Variants in SLC39A10 observed in about 807,000 individuals in gnomAD.
SLC39A10 encodes the protein solute carrier family 39 member 10, also known as zinc transporter ZIP10.
A neutral mutation model predicts 65.1 loss-of-function variants in SLC39A10; 13 were observed. The ratio of observed to expected loss-of-function variants is 0.20; its 90% confidence interval spans 0.13 to 0.32. The LOEUF (loss-of-function observed/expected upper bound fraction) is 0.32, where lower values mean the gene tolerates loss of function less well. Among genes scored for constraint, SLC39A10 ranks in the 10% least tolerant of loss-of-function variants. SLC39A10 has a pLI of 1.00. For synonymous variants in SLC39A10, 321 were observed against 342.2 expected (o/e 0.94, Z 0.68); for missense variants, 831 against 1,018.4 (o/e 0.82, Z 2.50).
At chr2:195,631,489 C>T (rs1259849058) in intron 2 of SLC39A10, among the ~76,000 whole-genome samples, 2 of 151,994 alleles carry the variant, frequency 1.3e-5, no homozygotes, top group Non-Finnish European at 2.9e-5. Context: ...ATATATTAAT[C>T]CTTGCTGGGT....
intron 2 of SLC39A10, among the ~76,000 whole-genome samples, chr2:195,623,874 T>C (rs554997384): frequency 9.8e-5 from 14 of 142,256 alleles, no homozygotes; most frequent in South Asian, 6.8e-4. Context: ...TTAAAAAAAA[T>C]AACAATACAA....
At chr2:195,719,779 T>G (rs1021911171) in intron 8 of SLC39A10, among the ~76,000 whole-genome samples, 4 of 150,726 alleles carry the variant, frequency 2.7e-5, no homozygotes, top group African/African-American at 7.3e-5. Flanking sequence ...CCACTACGCC[T>G]GGCTAATTTT....
chr2:195,719,791 G>T (rs842737), intron 8 of SLC39A10, among the ~76,000 whole-genome samples: 40,299 of 131,290 alleles, frequency 0.31, 5,646 homozygotes, highest in Middle Eastern at 0.47. Flanking sequence ...GCTAATTTTT[G>T]TTTTTTTTTT....
chr2:195,709,312 A>G (rs1243023981), intron 5 of SLC39A10, among the ~76,000 whole-genome samples: 1 of 152,010 alleles, frequency 6.6e-6, no homozygotes, highest in Non-Finnish European at 1.5e-5. Flanking sequence ...ACTCACAGCA[A>G]CCTCCACCTC....
At chr2:195,730,994 CTCTTTT>C (rs1411256814) in intron 9 of SLC39A10, among the ~76,000 whole-genome samples, 1 of 152,192 alleles carries the variant, frequency 6.6e-6, no homozygotes, top group Non-Finnish European at 1.5e-5. Context: ...CACCATCTTT[CTCTTTT>C]TAACTACTCT....
intron 2 of SLC39A10, among the ~76,000 whole-genome samples, chr2:195,622,972 CAAAAAAAAAAAAA>C (rs11440347): frequency 2.1e-5 from 2 of 96,874 alleles, no homozygotes; most frequent in Non-Finnish European, 4.0e-5. Context: ...ACTCCTGTCT[CAAAAAAAAAAAAA>C]AAAAAAAAAG....
At chr2:195,649,825 T>A (rs1265492208) in intron 2 of SLC39A10, among the ~76,000 whole-genome samples, 2 of 152,230 alleles carry the variant, frequency 1.3e-5, no homozygotes, top group Non-Finnish European at 1.5e-5. Flanking sequence ...CCTGTTTTTC[T>A]TCATCTTACT....
intron 2 of SLC39A10, among the ~76,000 whole-genome samples, chr2:195,614,871 T>C (rs1212983102): frequency 6.6e-6 from 1 of 152,042 alleles, no homozygotes; most frequent in Non-Finnish European, 1.5e-5. Context: ...CTAGGCAACA[T>C]AGCAAGACCC....
At chr2:195,723,580 C>G (rs1442131450) in intron 8 of SLC39A10, among the ~76,000 whole-genome samples, 1 of 152,114 alleles carries the variant, frequency 6.6e-6, no homozygotes, top group Admixed American at 6.6e-5. Context: ...TTCTGAGACT[C>G]CCACAGAGAG....
At chr2:195,723,426 T>G (rs963872065) in intron 8 of SLC39A10, among the ~76,000 whole-genome samples, 1 of 152,172 alleles carries the variant, frequency 6.6e-6, no homozygotes, top group Non-Finnish European at 1.5e-5. Context: ...TAATGTAATG[T>G]TGGGGACCAT....
chr2:195,694,555 C>T lies in SLC39A10; in HGVS notation c.1216+10649C>T, dbSNP rs144244656. Among the ~76,000 whole-genome samples, 74 of 152,290 alleles carry T rather than the reference C, an allele frequency of 4.9e-4. 2 individuals are homozygous for T. Among genetic ancestry groups the T allele is most frequent in the African/African-American group, 1.8e-3 (73 of 41,572 alleles). The stretch of plus-strand genomic sequence containing the variant: ...CATCCAGCAGAGAGCTACTGGGCTC[C>T]AGGCTGGTACTAGGGAGTGTCTGCA... On this transcript the variant is annotated intron_variant, in intron 3 of 9. Transcript: ENST00000359634.
chr2:195,700,495 TCTG>T (rs1434377679), intron 3 of SLC39A10, among the ~76,000 whole-genome samples: 1 of 152,212 alleles, frequency 6.6e-6, no homozygotes, highest in Admixed American at 6.5e-5. Context: ...ATACAAAAAT[TCTG>T]CTCCTTTACA....
intron 1 of SLC39A10, among the ~76,000 whole-genome samples, chr2:195,659,548 ATAT>A (rs1049626842): frequency 1.3e-5 from 2 of 152,158 alleles, no homozygotes; most frequent in African/African-American, 4.8e-5. Context: ...TACCTTGTTA[ATAT>A]TCTGTTCACC....
chr2:195,615,046 C>T (rs1381784080), intron 2 of SLC39A10, among the ~76,000 whole-genome samples: 1 of 152,064 alleles, frequency 6.6e-6, no homozygotes, highest in African/African-American at 2.4e-5. Flanking sequence ...ACAGTGAGAC[C>T]TTGTCTCAAA....
chr2:195,650,944 G>A (rs1225503734), intron 2 of SLC39A10, among the ~76,000 whole-genome samples: 1 of 88,584 alleles, frequency 1.1e-5, no homozygotes, highest in African/African-American at 3.6e-5. Context: ...CCCAGCTACT[G>A]TGGGTGGGGA....
intron 3 of SLC39A10, among the ~76,000 whole-genome samples, chr2:195,698,312 AATTT>A (rs1160832161): frequency 7.2e-5 from 11 of 152,004 alleles, no homozygotes; most frequent in African/African-American, 2.4e-4. Flanking sequence ...GGATGTTTTT[AATTT>A]TTTTCTTGCC....
chr2:195,731,471 G>A (rs1169667033), intron 9 of SLC39A10, among the ~76,000 whole-genome samples: 1 of 152,008 alleles, frequency 6.6e-6, no homozygotes, highest in East Asian at 1.9e-4. Context: ...CGTGTTCATT[G>A]TCTTCCCCAC....
rs569984702 is a variant in SLC39A10 at position 195,735,291 on chromosome 2, TTTGA to T, written c.*253_*256del. The T allele has an allele frequency of 4.0e-4, 120 of 303,330 alleles. No homozygotes were observed. Among genetic ancestry groups the T allele is most frequent in the Non-Finnish European group, 6.1e-4 (101 of 166,660 alleles). The allele number at this position is 303,330 out of a possible 1,614,324, so 18.8% of individuals were successfully genotyped here. On this transcript the variant is annotated 3_prime_UTR_variant, in exon 10 of 10. Transcript: ENST00000359634. ...GACTCCATGAACCAGTGTTGATATG[TTTGA>T]TTAAGACTTTTCACAAAATAATCAT...
chr2:195,728,922 T>C lies in SLC39A10; in HGVS notation c.2337+573T>C, dbSNP rs1371402134. Among the ~76,000 whole-genome samples the C allele has an allele frequency of 2.2e-4, 1 of 4,500 alleles. No individual in the cohort carries two copies. The highest frequency in any genetic ancestry group is 6.0e-3 in the Non-Finnish European group (1 of 168). The allele number at this position is 4,500 out of a possible 152,430, so 3.0% of individuals were successfully genotyped here. On this transcript the variant is annotated intron_variant, in intron 9 of 9. Transcript: ENST00000359634. This position sits in a 1 kb window ranked among gnomAD's most constrained non-coding sequence, Gnocchi z 4.4. The stretch of plus-strand genomic sequence containing the variant: ...TTTGTTTGTTTGACTAGATAGGACA[T>C]TTACTTTTTTTTTTCTGGTAAGATC...
Sources: gnomAD v4.1 joint callset for allele counts (sites outside exome capture counted in the v4.1 genomes callset) on GRCh38, gnomAD v4.1.1 for gene constraint, Gnocchi (gnomAD v3.1) non-coding constraint, MANE v1.5 for transcripts, NCBI Gene and HGNC (gene_info 2026-07-23, HGNC 2026-07-21) for gene names.